Variants in EFCAB12 observed in about 807,000 individuals in gnomAD.
EFCAB12 encodes EF-hand calcium-binding domain-containing protein 12.
In EFCAB12, 43 loss-of-function variants were observed where a neutral mutation model predicts 53.6. That is an observed-to-expected ratio of 0.80 (90% CI 0.63 to 1.03). EFCAB12 has a LOEUF of 1.03. Among genes scored for constraint, EFCAB12 ranks in the 50% least tolerant of loss-of-function variants. The pLI, the probability that EFCAB12 is intolerant of heterozygous loss-of-function variation, is 0.00. For missense variants in EFCAB12, 646 were observed against 730.6 expected (o/e 0.88, Z 1.34); for synonymous variants, 269 against 289.2 (o/e 0.93, Z 0.71).
At chr3:129,402,105 A>G (rs1318919806) in intron 8 of EFCAB12, among the ~76,000 whole-genome samples, 4 of 152,178 alleles carry the variant, frequency 2.6e-5, no homozygotes, top group Non-Finnish European at 5.9e-5. Flanking sequence ...TCCTTGTCCA[A>G]TGCCTCTAAA....
At chr3:129,421,924 A>T in intron 1 of EFCAB12, 121 bp from the exon 2 acceptor site, 1 of 980,402 alleles carries the variant, frequency 1.0e-6, no homozygotes, top group Non-Finnish European at 1.5e-6. Context: ...GCCAGGCTTT[A>T]TCATTGTCTT....
At position 129,426,371 on chromosome 3, in the gene EFCAB12, T is replaced by G. The variant is rs201679625; in HGVS notation, c.49+2069A>C. On this transcript the variant is annotated intron_variant, in intron 1 of 8. Transcript: ENST00000505956. ...AGGGTTTTTTTTTGTTTTTTTTTTT[T>G]TTTTTTTTTTTGAGACGGACTCTTG... Among the ~76,000 whole-genome samples, 102 of 124,742 alleles carry G rather than the reference T, an allele frequency of 8.2e-4. 2 individuals are homozygous for G. The highest frequency in any genetic ancestry group is 4.1e-3 in the South Asian group (17 of 4,116). 81.8% of individuals were successfully genotyped at this position (124,742 alleles called of 152,430 possible). A position where few individuals can be genotyped will look rare whatever the true frequency, so the allele number is the denominator to read the frequency against.
At chr3:129,426,576 G>C (rs1171146692) in intron 1 of EFCAB12, among the ~76,000 whole-genome samples, 3 of 151,804 alleles carry the variant, frequency 2.0e-5, no homozygotes, top group Non-Finnish European at 2.9e-5. Context: ...GTGTTAGCCA[G>C]GATGGTCTCG....
chr3:129,415,025 G>T, intron 4 of EFCAB12: 1 of 468,524 alleles, frequency 2.1e-6, no homozygotes, highest in Non-Finnish European at 3.6e-6. Context: ...GGACTCATTT[G>T]TCTTTGAATG....
intron 1 of EFCAB12, among the ~76,000 whole-genome samples, chr3:129,426,619 C>T (rs953813835): frequency 1.3e-5 from 2 of 151,646 alleles, no homozygotes; most frequent in African/African-American, 4.8e-5. Context: ...CCACCTCAGC[C>T]TCCCAAAGTG....
At chr3:129,424,610 T>C (rs1167000622) in intron 1 of EFCAB12, among the ~76,000 whole-genome samples, 2 of 152,240 alleles carry the variant, frequency 1.3e-5, no homozygotes, top group East Asian at 1.9e-4. Flanking sequence ...TAGTTCTTTA[T>C]AGCAATGCTA....
chr3:129,411,343 C>A lies in EFCAB12; in HGVS notation c.850G>T (p.Ala284Ser). The A allele has an allele frequency of 6.3e-7, 1 of 1,580,756 alleles. No homozygotes were observed. The highest frequency in any genetic ancestry group is 8.6e-7 in the Non-Finnish European group (1 of 1,160,392). ...CCCTTCAGGGAATCTCTGTGCTTGG[C>A]CAAGATATAATCTGGAGTCAGAGGG... The part of the protein sequence containing the change: ...LATAREHYIL[A>S]KHRDSLKGPL... The change falls in exon 5 of 9, where the codon GCC (alanine) becomes TCC (serine). Residue 284 changes from alanine to serine, a missense_variant. Ala to Ser is a moderately conservative substitution (Grantham distance 99). Coordinates refer to ENST00000505956, the MANE Select transcript of EFCAB12 (RefSeq NM_207307.3).
intron 1 of EFCAB12, among the ~76,000 whole-genome samples, 199 bp downstream of exon 1, chr3:129,428,241 T>C (rs1455131848): frequency 6.6e-6 from 1 of 152,180 alleles, no homozygotes; most frequent in Admixed American, 6.5e-5. Context: ...TCCCGTCACA[T>C]GGGTCGGGCC....
In EFCAB12 at chr3:129,415,384, C is replaced by T. The variant is rs1228246982; in HGVS notation, c.699G>A (p.Lys233=). The T allele has an allele frequency of 4.3e-6, 7 of 1,613,720 alleles. No individual in the cohort carries two copies. Among genetic ancestry groups the T allele is most frequent in the Non-Finnish European group, 5.9e-6 (7 of 1,179,864 alleles). ...AAVKAVGVPL[K]NQEVEDIVIY... ...TCACTATATCCTCCACCTCTTGGTTCTTCAGAGGGACTCCGACCTGAGGAG... is the reference window on the plus strand; with the variant it reads ...TCACTATATCCTCCACCTCTTGGTTTTTCAGAGGGACTCCGACCTGAGGAG... The change falls in exon 4 of 9, where the codon AAG becomes AAA. Residue 233 remains lysine (K), a synonymous_variant. Coordinates refer to ENST00000505956, the MANE Select transcript of EFCAB12 (RefSeq NM_207307.3).
intron 1 of EFCAB12, among the ~76,000 whole-genome samples, chr3:129,423,959 C>T (rs1237109645): frequency 9.9e-5 from 15 of 152,224 alleles, no homozygotes; most frequent in Non-Finnish European, 1.9e-4. Context: ...CTTTGAGACT[C>T]AGCTCAGGCA....
chr3:129,411,570 A>G (rs1235765328), intron 4 of EFCAB12: 1 of 431,504 alleles, frequency 2.3e-6, no homozygotes, highest in East Asian at 3.7e-5. Context: ...TACTGCACCA[A>G]CCCCAGCCCT....
chr3:129,415,307 G>A lies in EFCAB12; in HGVS notation c.776C>T (p.Ala259Val), dbSNP rs2107739463. ...KHNTITMDIL[A>V]NTYKQWSMAQ... ...CATAGACCACTGCTTGTAGGTATTG[G>A]CCAGGATATCCATGGTGATGGTGTT... Residue 259 changes from alanine to valine, a missense_variant, in exon 4 of 9, where the codon GCC becomes GTC. Physicochemically the swap from Ala to Val is moderately conservative, Grantham distance 64. Transcript: ENST00000505956. 1.2e-6 allele frequency: 2 copies of A among 1,613,312 alleles called. No homozygotes were observed. The highest frequency in any genetic ancestry group is 1.3e-5 in the African/African-American group (1 of 75,000).
intron 1 of EFCAB12, among the ~76,000 whole-genome samples, chr3:129,423,631 ATT>A (rs1577052820): frequency 2.6e-5 from 4 of 151,606 alleles, no homozygotes; most frequent in Admixed American, 1.3e-4. Flanking sequence ...TTTCAAAAAA[ATT>A]TAAAAAAATC....
chr3:129,404,116 G>T, intron 7 of EFCAB12, 134 bp downstream of exon 7: 2 of 1,198,914 alleles, frequency 1.7e-6, no homozygotes, highest in Non-Finnish European at 2.3e-6. Context: ...CAGTCAGGTT[G>T]GGGGATGTTG....
At chr3:129,402,831 T>C in intron 7 of EFCAB12, 2 of 483,036 alleles carry the variant, frequency 4.1e-6, no homozygotes, top group South Asian at 4.6e-5. Flanking sequence ...CACTTCCCCT[T>C]TCTCATCCTT....
rs534251675 is a variant in EFCAB12, at chr3:129,427,343, C to T, written c.49+1097G>A. 4.7e-5 allele frequency among the ~76,000 whole-genome samples: 7 copies of T among 148,180 alleles called. No homozygotes were observed. The South Asian group carries it at 1.3e-3, about 27-fold the overall frequency. On this transcript the variant is annotated intron_variant, in intron 1 of 8. Transcript: ENST00000505956. ...CAAGACTGGATTTGTCTTTGTGCCC[C>T]TTCCCCCACTAACTGGGTCCTCTGA...
At chr3:129,410,129 T>C (rs2072016072) in intron 5 of EFCAB12, among the ~76,000 whole-genome samples, 1 of 152,066 alleles carries the variant, frequency 6.6e-6, no homozygotes, top group African/African-American at 2.4e-5. Flanking sequence ...GGCCTCAGCC[T>C]CTTCAGTAGG....
chr3:129,410,963 C>A (rs1441088102), intron 5 of EFCAB12, among the ~76,000 whole-genome samples, 195 bp downstream of exon 5: 1 of 152,154 alleles, frequency 6.6e-6, no homozygotes, highest in Non-Finnish European at 1.5e-5. Flanking sequence ...CAGGATCTTA[C>A]TACATTTTAC....
chr3:129,412,808 C>T (rs1257952620), intron 4 of EFCAB12: 1 of 152,290 alleles, frequency 6.6e-6, no homozygotes, highest in East Asian at 1.9e-4. Context: ...TCCCTGACCA[C>T]CAGCCCTTTA....
Sources: gnomAD v4.1 joint callset for allele counts (sites outside exome capture counted in the v4.1 genomes callset) on GRCh38, gnomAD v4.1.1 for gene constraint, MANE v1.5 for transcripts, NCBI Gene and HGNC (gene_info 2026-07-23, HGNC 2026-07-21) for gene names.